The following PTPRF variants were observed in gnomAD, a reference collection of about 807,000 sequenced individuals.
PTPRF encodes protein tyrosine phosphatase receptor type F, also known as receptor-type tyrosine-protein phosphatase F.
A neutral mutation model predicts 201.8 loss-of-function variants in PTPRF; 59 were observed. The observed-to-expected ratio is 0.29, with a 90% CI of 0.24 to 0.36. PTPRF has a LOEUF of 0.36. PTPRF is among the 10% of genes least tolerant of loss of function. The pLI is 1.00. For synonymous variants in PTPRF, 1,088 were observed against 1,089.7 expected, an observed-to-expected ratio of 1.00 and a Z score of 0.03; for missense variants, 2,132 against 2,690.5, an observed-to-expected ratio of 0.79 and a Z score of 4.59.
At position 43,605,276 on chromosome 1, in the gene PTPRF, G is replaced by A. The variant is rs372173296; in HGVS notation, c.3222G>A (p.Ser1074=). The A allele has an allele frequency of 2.5e-5, 40 of 1,613,022 alleles. 1 individual carries two copies. The highest frequency in any genetic ancestry group is 5.3e-5 in the African/African-American group (4 of 74,942). The change falls in exon 18 of 34, where the codon TCG becomes TCA. Residue 1074 remains serine, a synonymous_variant. Transcript: ENST00000359947. ...ACCTGCAGCCCAACACAGAGTACTC[G>A]TTTGTGCTGATGAACCGTGGCAGCA... ...IADLQPNTEY[S]FVLMNRGSSA... is the part of the protein sequence containing the mutation.
intron 20 of PTPRF, 74 bp downstream of exon 20, chr1:43,606,532 A>C (rs1570594285): frequency 7.2e-7 from 1 of 1,381,150 alleles, no homozygotes; most frequent in Non-Finnish European, 1.0e-6. Flanking sequence ...AGTCTCAAAC[A>C]CCACAAGACC....
chr1:43,567,110 C>T (rs1232139129), intron 5 of PTPRF, among the ~76,000 whole-genome samples: 1 of 152,158 alleles, frequency 6.6e-6, no homozygotes, highest in Non-Finnish European at 1.5e-5. Context: ...CAGGCCATGG[C>T]CACGTCTTCC....
intron 5 of PTPRF, among the ~76,000 whole-genome samples, chr1:43,555,627 G>A (rs1645314697): frequency 6.6e-6 from 1 of 151,850 alleles, no homozygotes; most frequent in Non-Finnish European, 1.5e-5. Context: ...TGTATTTTTA[G>A]TAAAGACGGG....
Position 43,604,883 on chromosome 1 carries a change from C to T in PTPRF, c.3038-20C>T. On this transcript the variant is annotated intron_variant, in intron 16 of 33. Transcript: ENST00000359947. The stretch of plus-strand genomic sequence containing the variant: ...CACCTCATATACCCAGCAGAGCTGA[C>T]TCTCTCTATGCCTTTGCAGTGTTTG... 1.2e-6 allele frequency: 2 copies of T among 1,608,956 alleles called. No individual in the cohort carries two copies. The highest frequency in any genetic ancestry group is 1.7e-6 in the Non-Finnish European group (2 of 1,176,164).
chr1:43,581,372 G>T (rs1031946466), intron 7 of PTPRF, among the ~76,000 whole-genome samples: 1 of 152,168 alleles, frequency 6.6e-6, no homozygotes. Flanking sequence ...CACATACGAC[G>T]TTCCTCTAGG....
intron 23 of PTPRF, among the ~76,000 whole-genome samples, chr1:43,614,094 C>T (rs1657142801): frequency 6.6e-6 from 1 of 152,236 alleles, no homozygotes; most frequent in Non-Finnish European, 1.5e-5. Flanking sequence ...TCCTGCAGGC[C>T]AGCACCGGTC....
intron 21 of PTPRF, among the ~76,000 whole-genome samples, chr1:43,608,858 G>A (rs2154027949): frequency 6.6e-6 from 1 of 152,308 alleles, no homozygotes; most frequent in Admixed American, 6.5e-5. Context: ...CCCTGTCCTT[G>A]TAGATGGGAA....
upstream of PTPRF, among the ~76,000 whole-genome samples, chr1:43,527,714 C>T (rs575589250): frequency 2.6e-3 from 398 of 152,278 alleles, 1 homozygote; most frequent in African/African-American, 9.2e-3. Flanking sequence ...TGCTCAGTAG[C>T]CTTGACAATG....
chr1:43,611,072 A>G (rs1347492420), intron 22 of PTPRF, among the ~76,000 whole-genome samples: 1 of 152,216 alleles, frequency 6.6e-6, no homozygotes, highest in African/African-American at 2.4e-5. Context: ...TCTTTCATCC[A>G]TGTGACTGGT....
chr1:43,591,061 G>A lies in PTPRF; in HGVS notation c.1039G>A (p.Val347Ile). 3.1e-6 allele frequency: 5 copies of A among 1,614,028 alleles called. No individual in the cohort carries two copies. The highest frequency in any genetic ancestry group is 4.2e-6 in the Non-Finnish European group (5 of 1,180,042). The change falls in exon 9 of 34, where the codon GTA (valine) becomes ATA (isoleucine). Residue 347 changes from valine to isoleucine, a missense_variant. Physicochemically the swap from Val to Ile is conservative, Grantham distance 29 (BLOSUM62 3). Transcript: ENST00000359947. ...LTWDSGNSEP[V>I]TYYGIQYRAA... is the part of the protein sequence containing the mutation. ...CTGGGACTCTGGGAACTCGGAGCCT[G>A]TAACCTACTATGGCATCCAGTACCG...
Position 43,597,832 on chromosome 1 carries a change from A to T in PTPRF, c.1898A>T (p.Asp633Val). ...VRVSWVPPPA[D>V]SRNGVITQYS... ...GTAAGTTGGGTCCCGCCGCCTGCCG[A>T]CAGCCGCAACGGCGTTATCACCCAG... Residue 633 changes from aspartate to valine, a missense_variant, in exon 12 of 34, where the codon GAC (aspartate) becomes GTC (valine). Physicochemically the swap from Asp to Val is radical, Grantham distance 152. This residue lies in a region of PTPRF where 125 missense variants were observed against 211.9 expected (regional missense o/e 0.59). Coordinates refer to ENST00000359947, the MANE Select transcript of PTPRF (RefSeq NM_002840.5). The T allele has an allele frequency of 3.1e-6, 5 of 1,608,144 alleles. No individual in the cohort carries two copies. Among genetic ancestry groups the T allele is most frequent in the Non-Finnish European group, 4.2e-6 (5 of 1,178,034 alleles).
chr1:43,589,569 G>A (rs1162233711), intron 8 of PTPRF, among the ~76,000 whole-genome samples: 2 of 151,922 alleles, frequency 1.3e-5, no homozygotes, highest in African/African-American at 4.8e-5. Flanking sequence ...ATATGTAACC[G>A]ATTCTGGCCA....
intron 22 of PTPRF, among the ~76,000 whole-genome samples, chr1:43,609,845 C>T (rs1307563340): frequency 2.0e-5 from 3 of 152,318 alleles, no homozygotes; most frequent in South Asian, 2.1e-4. Flanking sequence ...CACGCTCTGA[C>T]GCCTCCACAT....
rs900289260 is a variant in PTPRF, at chr1:43,546,816, T to G, written c.91+1650T>G. Among the ~76,000 whole-genome samples, 1 of 152,112 alleles carries G rather than the reference T, an allele frequency of 6.6e-6. No homozygotes were observed. The highest frequency in any genetic ancestry group is 1.5e-5 in the Non-Finnish European group (1 of 67,998). ...GGTCACCCAAGTCAGAACCTGGGCCTCCTCCAGCCTCCTCCCTCCGTGATA... is the reference window on the plus strand; with the variant it reads ...GGTCACCCAAGTCAGAACCTGGGCCGCCTCCAGCCTCCTCCCTCCGTGATA... On this transcript the variant is annotated intron_variant, in intron 3 of 33. Transcript: ENST00000359947. This position sits in a 1 kb window ranked among gnomAD's most constrained non-coding sequence, Gnocchi z 4.2.
At position 43,556,231 on chromosome 1, in the gene PTPRF, TTTG is replaced by T. The variant is rs1031248284; in HGVS notation, c.379+2308_379+2310del. Among the ~76,000 whole-genome samples the T allele has an allele frequency of 1.2e-4, 18 of 152,226 alleles. No homozygotes were observed. The East Asian group carries it at 2.1e-3, about 18-fold the overall frequency. The stretch of plus-strand genomic sequence containing the variant: ...CACACATCTCCATTCAGTTACTCTT[TTTG>T]TTGTTGTTGTTGTTGTTTGGTTTTG... On this transcript the variant is annotated intron_variant, in intron 5 of 33. Transcript: ENST00000359947.
chr1:43,546,214 AT>A lies in PTPRF; in HGVS notation c.91+1050del, dbSNP rs1644664914. Among the ~76,000 whole-genome samples, 1 of 152,082 alleles carries A rather than the reference AT, an allele frequency of 6.6e-6. No homozygotes were observed. The highest frequency in any genetic ancestry group is 1.5e-5 in the Non-Finnish European group (1 of 68,004). On this transcript the variant is annotated intron_variant, in intron 3 of 33. Coordinates refer to ENST00000359947, the MANE Select transcript of PTPRF (RefSeq NM_002840.5). This position sits in a 1 kb window ranked among gnomAD's most constrained non-coding sequence, Gnocchi z 4.2. The stretch of plus-strand genomic sequence containing the variant: ...TGGCTCATTAATTATTCAGGAACTG[AT>A]TCTGGAGTGGGGTGGGACTGGTGTG...
intron 22 of PTPRF, chr1:43,613,103 C>G (rs1656877245): frequency 2.9e-6 from 1 of 346,366 alleles, no homozygotes; most frequent in African/African-American, 2.1e-5. Context: ...CTCCTCTCCT[C>G]TGTCTCACAC....
rs945801029 is a variant in PTPRF at position 43,567,690 on chromosome 1, A to C, written c.380-1900A>C. 1.1e-3 allele frequency among the ~76,000 whole-genome samples: 163 copies of C among 152,200 alleles called. 2 individuals are homozygous for C. The highest frequency in any genetic ancestry group is 5.0e-4 in the Non-Finnish European group (34 of 68,002). On this transcript the variant is annotated intron_variant, in intron 5 of 33. Transcript: ENST00000359947. ...CAACTCCCTCTTCTACCCGCCCCCCAGTCGCTCTCCCTGGGTCTCCAAGAG... is the reference window on the plus strand; with the variant it reads ...CAACTCCCTCTTCTACCCGCCCCCCCGTCGCTCTCCCTGGGTCTCCAAGAG...
At chr1:43,589,695 GAAAAAAAA>G (rs55816248) in intron 8 of PTPRF, among the ~76,000 whole-genome samples, 1 of 106,574 alleles carries the variant, frequency 9.4e-6, no homozygotes, top group African/African-American at 3.9e-5. Flanking sequence ...CCATCTCTAC[GAAAAAAAA>G]AAAAAAAAAA....
Sources: gnomAD v4.1 joint callset for allele counts (sites outside exome capture counted in the v4.1 genomes callset) on GRCh38, gnomAD v4.1.1 for gene constraint, gnomAD v4.1.1 regional missense constraint, Gnocchi (gnomAD v3.1) non-coding constraint, MANE v1.5 for transcripts, NCBI Gene and HGNC (gene_info 2026-07-23, HGNC 2026-07-21) for gene names.